The following AGBL1 variants were observed in gnomAD, a reference collection of about 807,000 sequenced individuals.
AGBL1 encodes AGBL carboxypeptidase 1.
AGBL1 carries 130 observed loss-of-function variants against 118.9 expected under a neutral mutation model. The ratio of observed to expected loss-of-function variants is 1.09; its 90% CI spans 0.95 to 1.26. The LOEUF is 1.26. Among genes scored for constraint, AGBL1 ranks in the 50% most tolerant of loss-of-function variants. AGBL1 has a pLI of 0.00. For synonymous variants in AGBL1, 555 were observed against 478.9 expected, an observed-to-expected ratio of 1.16 and a Z score of -2.08; for missense variants, 1,584 against 1,298.1, an observed-to-expected ratio of 1.22 and a Z score of -3.38.
intron 18 of AGBL1, among the ~76,000 whole-genome samples, chr15:86,439,618 C>G (rs1053384136): frequency 1.3e-5 from 2 of 152,132 alleles, no homozygotes; most frequent in Admixed American, 1.3e-4. Context: ...CTAATAGGGT[C>G]AACAACAGGA....
intron 17 of AGBL1, among the ~76,000 whole-genome samples, chr15:86,306,085 C>T (rs1281236246): frequency 6.6e-6 from 1 of 152,038 alleles, no homozygotes; most frequent in East Asian, 1.9e-4. Flanking sequence ...TGTTTTGATA[C>T]AGGCACACAA....
chr15:86,962,441 CAT>C (rs2081002276), intron 23 of AGBL1, among the ~76,000 whole-genome samples: 1 of 151,872 alleles, frequency 6.6e-6, no homozygotes, highest in Non-Finnish European at 1.5e-5. Flanking sequence ...TTTTTTTAAT[CAT>C]ATGTCTTTAA....
chr15:86,764,187 A>G (rs1172885944), intron 22 of AGBL1, among the ~76,000 whole-genome samples: 1 of 152,022 alleles, frequency 6.6e-6, no homozygotes, highest in Admixed American at 6.6e-5. Context: ...ACCTTACAAT[A>G]TACACGCTTC....
chr15:86,594,275 C>A (rs2084377617), intron 21 of AGBL1, among the ~76,000 whole-genome samples: 1 of 152,062 alleles, frequency 6.6e-6, no homozygotes, highest in Non-Finnish European at 1.5e-5. Context: ...GATTTATTAT[C>A]TTTTCATATG....
intron 17 of AGBL1, among the ~76,000 whole-genome samples, chr15:86,357,206 A>AAAG (rs1391683258): frequency 6.6e-6 from 1 of 152,240 alleles, no homozygotes; most frequent in African/African-American, 2.4e-5. Context: ...ATGAAGGATT[A>AAAG]AAGAGTAGTA....
chr15:86,347,398 A>G (rs966937952), intron 17 of AGBL1, among the ~76,000 whole-genome samples: 7 of 152,226 alleles, frequency 4.6e-5, no homozygotes, highest in Non-Finnish European at 7.3e-5. Context: ...GCTACCTGTA[A>G]CAACAGGGTT....
intron 17 of AGBL1, among the ~76,000 whole-genome samples, chr15:86,315,508 G>A (rs2079989461): frequency 6.6e-6 from 1 of 152,094 alleles, no homozygotes; most frequent in African/African-American, 2.4e-5. Context: ...GAGGTTAGGA[G>A]TTGGAGACCA....
chr15:86,116,811 A>G (rs1897789149), intron 1 of AGBL1: 1 of 152,142 alleles, frequency 6.6e-6, no homozygotes, highest in Admixed American at 6.5e-5. Context: ...AGGTCATGGG[A>G]CTTCTCACCT....
At chr15:86,751,238 C>A (rs1161011911) in intron 22 of AGBL1, among the ~76,000 whole-genome samples, 1 of 152,138 alleles carries the variant, frequency 6.6e-6, no homozygotes, top group African/African-American at 2.4e-5. Flanking sequence ...TACAGTCCTA[C>A]CAACAGTGTG....
intron 22 of AGBL1, among the ~76,000 whole-genome samples, chr15:86,810,287 A>C (rs2078770109): frequency 6.6e-6 from 1 of 152,098 alleles, no homozygotes; most frequent in South Asian, 2.1e-4. Context: ...GAGTGAGTAG[A>C]GGTTTTCTGA....
At chr15:86,863,646 A>G (rs2079588271) in intron 22 of AGBL1, among the ~76,000 whole-genome samples, 1 of 152,036 alleles carries the variant, frequency 6.6e-6, no homozygotes, top group African/African-American at 2.4e-5. Flanking sequence ...AAGTGTTCCT[A>G]TTGTTTATTA....
rs1381547775 is a variant in AGBL1, at chr15:86,397,437, G to T, written c.2446G>T (p.Gly816Cys). The change falls in exon 18 of 23, where the codon GGT (glycine) becomes TGT (cysteine). Residue 816 changes from glycine (G) to cysteine (C), a missense_variant. By Grantham distance (159) the Gly-to-Cys change is radical (BLOSUM62 -3). Transcript: ENST00000614907. Reference sequence around the variant, plus strand: ...GAGCAATGCCAGTTGGGTGATGAAGGGTACCTTGGAGTTCCTGGTCAGCAG... The same window carrying T: ...GAGCAATGCCAGTTGGGTGATGAAGTGTACCTTGGAGTTCCTGGTCAGCAG... Reference protein sequence around the residue: ...GESNASWVMKGTLEFLVSSDP... With the variant: ...GESNASWVMKCTLEFLVSSDP... The T allele has an allele frequency of 6.2e-7, 1 of 1,613,114 alleles. No homozygotes were observed. The highest frequency in any genetic ancestry group is 8.5e-7 in the Non-Finnish European group (1 of 1,179,376).
intron 21 of AGBL1, among the ~76,000 whole-genome samples, chr15:86,603,537 A>C (rs2084528201): frequency 6.6e-6 from 1 of 151,330 alleles, no homozygotes; most frequent in South Asian, 2.1e-4. Flanking sequence ...CATCCCTTTT[A>C]CTTTCTAGAT....
At chr15:86,652,123 G>C (rs866858247) in intron 21 of AGBL1, among the ~76,000 whole-genome samples, 6 of 152,118 alleles carry the variant, frequency 3.9e-5, no homozygotes, top group African/African-American at 1.4e-4. Flanking sequence ...AAAAGAGTAA[G>C]TCTGACACCT....
intron 22 of AGBL1, among the ~76,000 whole-genome samples, chr15:86,813,256 G>A (rs1261558713): frequency 6.6e-6 from 1 of 151,964 alleles, no homozygotes; most frequent in Non-Finnish European, 1.5e-5. Flanking sequence ...CAGTCCAAAG[G>A]GCCTTGAGTG....
chr15:86,705,356 C>T (rs1017815557), intron 22 of AGBL1, among the ~76,000 whole-genome samples: 1 of 152,104 alleles, frequency 6.6e-6, no homozygotes, highest in African/African-American at 2.4e-5. Context: ...TTGGGTATGT[C>T]TTTATTAACA....
intron 1 of AGBL1, among the ~76,000 whole-genome samples, chr15:86,125,554 T>A (rs1385478085): frequency 6.6e-6 from 1 of 152,212 alleles, no homozygotes; most frequent in African/African-American, 2.4e-5. Context: ...TAATAAACAA[T>A]TGATTAATGG....
At chr15:86,397,730 CT>C (rs2081389661) in intron 18 of AGBL1, among the ~76,000 whole-genome samples, 184 bp downstream of exon 18, 1 of 152,134 alleles carries the variant, frequency 6.6e-6, no homozygotes, top group Non-Finnish European at 1.5e-5. Context: ...CTCATGGTTT[CT>C]TTGAATAGAA....
At chr15:86,187,716 A>T (rs761386739) in intron 5 of AGBL1, among the ~76,000 whole-genome samples, 41 of 152,336 alleles carry the variant, frequency 2.7e-4, no homozygotes, top group Admixed American at 8.5e-4. Flanking sequence ...AACTGTCCAG[A>T]TGATATACAG....
Sources: gnomAD v4.1 joint callset for allele counts (sites outside exome capture counted in the v4.1 genomes callset) on GRCh38, gnomAD v4.1.1 for gene constraint, MANE v1.5 for transcripts, NCBI Gene and HGNC (gene_info 2026-07-23, HGNC 2026-07-21) for gene names.